Variants in ZNF487 observed in about 807,000 individuals in gnomAD.
ZNF487 encodes zinc finger protein 487, also known as KRAB domain only 1.
A neutral mutation model predicts 3.0 loss-of-function variants in ZNF487; 4 were observed. That is an observed-to-expected ratio of 1.35 (90% CI 0.66 to 3.08). The LOEUF is 3.08. Ranked by LOEUF, ZNF487 falls within the 30% of genes most tolerant of loss-of-function variation. The pLI is 0.01. For synonymous variants in ZNF487, 55 were observed against 34.6 expected, an observed-to-expected ratio of 1.59 and a Z score of -2.06; for missense variants, 146 against 98.7, an observed-to-expected ratio of 1.48 and a Z score of -2.03.
chr10:43,441,267 G>A (rs555408140), intron 1 of ZNF487, among the ~76,000 whole-genome samples: 2 of 150,282 alleles, frequency 1.3e-5, no homozygotes, highest in East Asian at 2.0e-4. Context: ...GCACCAGACC[G>A]CTTTGCCTTT....
chr10:43,501,837 G>A, the ZNF487 span, among the ~76,000 whole-genome samples: 1 of 151,090 alleles, frequency 6.6e-6, no homozygotes, highest in South Asian at 2.1e-4. Flanking sequence ...TCAGGCTGGA[G>A]TACAATGGTG....
chr10:43,500,500 C>T, the ZNF487 span, among the ~76,000 whole-genome samples: 1 of 151,984 alleles, frequency 6.6e-6, no homozygotes, highest in South Asian at 2.1e-4. Flanking sequence ...AATAACAAGG[C>T]CTTTATTTTT....
chr10:43,517,705 G>A, the ZNF487 span, among the ~76,000 whole-genome samples: 67 of 152,262 alleles, frequency 4.4e-4, no homozygotes, highest in Middle Eastern at 6.8e-3. Context: ...GAAGCAGGGC[G>A]CTGCAAGTTT....
intron 1 of ZNF487, among the ~76,000 whole-genome samples, chr10:43,468,917 A>C (rs1248308840): frequency 7.5e-6 from 1 of 133,414 alleles, no homozygotes; most frequent in Admixed American, 8.7e-5. Flanking sequence ...TGAACCCAGG[A>C]GGCAGCGCTT....
intron 1 of ZNF487, among the ~76,000 whole-genome samples, chr10:43,469,943 C>G (rs1391798855): frequency 2.0e-5 from 3 of 149,982 alleles, no homozygotes; most frequent in Non-Finnish European, 4.4e-5. Flanking sequence ...GAGCGAGACT[C>G]TGTCTTCCAA....
chr10:43,449,634 TTA>T (rs2132055551), intron 1 of ZNF487, among the ~76,000 whole-genome samples: 1 of 152,202 alleles, frequency 6.6e-6, no homozygotes, highest in African/African-American at 2.4e-5. Context: ...TTATTTCTGT[TTA>T]TATTGTTGTA....
chr10:43,488,152 A>G (rs1841486072), downstream of ZNF487, among the ~76,000 whole-genome samples: 1 of 151,928 alleles, frequency 6.6e-6, no homozygotes. Context: ...GAGCTTTAAA[A>G]CTAAATAGAT....
chr10:43,464,977 G>A (rs1166168111), intron 1 of ZNF487, among the ~76,000 whole-genome samples: 2 of 151,534 alleles, frequency 1.3e-5, no homozygotes, highest in Admixed American at 6.6e-5. Flanking sequence ...CTCCCGGATG[G>A]GGCGGCTGGC....
chr10:43,492,012 C>T, the ZNF487 span, among the ~76,000 whole-genome samples: 2 of 151,716 alleles, frequency 1.3e-5, no homozygotes, highest in Non-Finnish European at 1.5e-5. Flanking sequence ...CGGCTCACTG[C>T]AGCCTAGACC....
At chr10:43,464,713 C>G (rs1255263556) in intron 1 of ZNF487, among the ~76,000 whole-genome samples, 1 of 152,146 alleles carries the variant, frequency 6.6e-6, no homozygotes, top group Non-Finnish European at 1.5e-5. Flanking sequence ...CAACAGGATC[C>G]CAAGGCAGAA....
chr10:43,493,687 C>CAAAAAA, the ZNF487 span, among the ~76,000 whole-genome samples: 7 of 13,478 alleles, frequency 5.2e-4, no homozygotes, highest in African/African-American at 1.8e-3. Context: ...GACCCTTCCT[C>CAAAAAA]AAAAAAAGAA....
At chr10:43,443,306 C>T (rs1839684036) in intron 1 of ZNF487, among the ~76,000 whole-genome samples, 1 of 151,492 alleles carries the variant, frequency 6.6e-6, no homozygotes, top group African/African-American at 2.4e-5. Flanking sequence ...TCAGGTGATC[C>T]ACCCACCTTG....
At chr10:43,465,587 A>T (rs948129400) in intron 1 of ZNF487, among the ~76,000 whole-genome samples, 4 of 142,756 alleles carry the variant, frequency 2.8e-5, no homozygotes, top group African/African-American at 1.1e-4. Flanking sequence ...AACTCAGATG[A>T]TGGGCGGCCG....
the ZNF487 span, among the ~76,000 whole-genome samples, chr10:43,510,642 G>C: frequency 2.6e-5 from 4 of 152,126 alleles, no homozygotes; most frequent in Non-Finnish European, 5.9e-5. Flanking sequence ...CTGCCTCCCG[G>C]GTTCAAGCAA....
At chr10:43,460,422 C>T (rs143390055) in intron 1 of ZNF487, among the ~76,000 whole-genome samples, 1,825 of 141,448 alleles carry the variant, frequency 0.013, 31 homozygotes, top group African/African-American at 0.045. Context: ...GTCGCCCAGG[C>T]TGGAGTGCAG....
chr10:43,493,709 AATATAT>A, the ZNF487 span, among the ~76,000 whole-genome samples: 168 of 43,514 alleles, frequency 3.9e-3, no homozygotes, highest in East Asian at 0.012. Flanking sequence ...AAAAAAAAAA[AATATAT>A]ATATATATAT....
At chr10:43,443,366 G>GTTTTT (rs1326797006) in intron 1 of ZNF487, among the ~76,000 whole-genome samples, 4 of 144,818 alleles carry the variant, frequency 2.8e-5, no homozygotes, top group Non-Finnish European at 1.5e-5. Context: ...GCTGGGCCTA[G>GTTTTT]TTTTTGTTTT....
chr10:43,455,113 C>G (rs1040469089), intron 1 of ZNF487, among the ~76,000 whole-genome samples: 2 of 151,304 alleles, frequency 1.3e-5, no homozygotes, highest in African/African-American at 4.9e-5. Context: ...GGTTCAAGGC[C>G]TTCTCCTGCC....
downstream of ZNF487, among the ~76,000 whole-genome samples, chr10:43,486,735 A>C (rs895241427): frequency 6.6e-6 from 1 of 152,218 alleles, no homozygotes; most frequent in African/African-American, 2.4e-5. Context: ...TATATAGCCA[A>C]ATACAAAAGC....
Sources: allele counts gnomAD v4.1 joint callset (sites outside exome capture counted in the v4.1 genomes callset), GRCh38; gene constraint gnomAD v4.1.1; transcripts MANE v1.5; gene names NCBI Gene and HGNC (gene_info 2026-07-23, HGNC 2026-07-21).